NUP98: variants seen among roughly 807,000 people sequenced by gnomAD.
The protein encoded by NUP98 is nucleoporin 98 and 96 precursor, also known as nuclear pore complex protein Nup98-Nup96.
Under a neutral mutation model 191.9 loss-of-function variants are expected in NUP98, and 26 were observed. The ratio of observed to expected loss-of-function variants is 0.14; its 90% CI spans 0.10 to 0.19. The LOEUF is 0.19. Ranked by LOEUF, NUP98 falls within the 10% of genes least tolerant of loss-of-function variation. The pLI, the probability that NUP98 is intolerant of heterozygous loss-of-function variation, is 1.00. For synonymous variants in NUP98, 808 were observed against 778.4 expected (o/e 1.04, Z -0.63); for missense variants, 1,941 against 2,178.8 (o/e 0.89, Z 2.17).
Position 3,723,256 on chromosome 11 carries a change from C to T in NUP98, c.2047G>A (p.Gly683Arg), listed in dbSNP as rs2079475389. ...GTTTCTTCACTGCTTCCTTCCAGCCCATTTCGCAAAGCAGCACGCATGTTT... is the reference window on the plus strand; with the variant it reads ...GTTTCTTCACTGCTTCCTTCCAGCCTATTTCGCAAAGCAGCACGCATGTTT... ...ALNMRAALRNGLEGSSEETSF... is the reference protein window; with the variant it reads ...ALNMRAALRNRLEGSSEETSF... Residue 683 changes from glycine (G) to arginine (R), a missense_variant, in exon 16 of 33, where the codon GGG becomes AGG. By Grantham distance (125) the Gly-to-Arg change is moderately radical (BLOSUM62 -2). Coordinates refer to ENST00000324932, the MANE Select transcript of NUP98 (RefSeq NM_016320.5). The T allele has an allele frequency of 6.2e-7, 1 of 1,614,030 alleles. No individual in the cohort carries two copies. Among genetic ancestry groups the T allele is most frequent in the African/African-American group, 1.3e-5 (1 of 74,926 alleles).
chr11:3,719,773 C>CTT (rs775212402), intron 17 of NUP98, among the ~76,000 whole-genome samples: 2 of 143,512 alleles, frequency 1.4e-5, no homozygotes, highest in Non-Finnish European at 3.0e-5. Context: ...CTTTTCTTTT[C>CTT]TTTTTTTTTT....
intron 20 of NUP98, among the ~76,000 whole-genome samples, chr11:3,707,738 C>CACAAAAAAAAAAAAAAAAAAAAA (rs1554889252): frequency 6.2e-5 from 3 of 48,568 alleles, no homozygotes; most frequent in African/African-American, 3.4e-4. Context: ...GACTCTGTCT[C>CACAAAAAAAAAAAAAAAAAAAAA]AAAAAAAAAA....
rs543758138 is a variant in NUP98, at chr11:3,682,447, A to G, written c.4918+753T>C. 9.2e-5 allele frequency among the ~76,000 whole-genome samples: 14 copies of G among 152,318 alleles called. 1 individual carries two copies. In the South Asian group the frequency reaches 2.9e-3, roughly 32 times the overall value. ...CCCTTCCTTTCACTTGAACATATTT[A>G]GAGGCCATTGTAGGGTTATTAACTG... On this transcript the variant is annotated intron_variant, in intron 30 of 32. Transcript: ENST00000324932.
intron 1 of NUP98, among the ~76,000 whole-genome samples, chr11:3,793,208 G>GT (rs1346844563): frequency 6.6e-6 from 1 of 152,162 alleles, no homozygotes; most frequent in African/African-American, 2.4e-5. Flanking sequence ...TTCCAACTAT[G>GT]TATCTGTATG....
chr11:3,710,742 T>A (rs2079005473), intron 20 of NUP98, among the ~76,000 whole-genome samples: 1 of 152,222 alleles, frequency 6.6e-6, no homozygotes, highest in Non-Finnish European at 1.5e-5. Flanking sequence ...TCAGCTTCAC[T>A]TGGGTCAGTG....
At chr11:3,703,405 A>T (rs1049024853) in intron 22 of NUP98, among the ~76,000 whole-genome samples, 2 of 152,002 alleles carry the variant, frequency 1.3e-5, no homozygotes, top group African/African-American at 4.8e-5. Context: ...TTTAGTAGAG[A>T]CAGAGTTTCA....
At chr11:3,793,754 T>C (rs1264421749) in intron 1 of NUP98, among the ~76,000 whole-genome samples, 1 of 151,958 alleles carries the variant, frequency 6.6e-6, no homozygotes, top group Non-Finnish European at 1.5e-5. Flanking sequence ...GTGGATTGCT[T>C]GAGGTCACGA....
chr11:3,758,175 G>A (rs889064119), intron 10 of NUP98, among the ~76,000 whole-genome samples: 7 of 151,936 alleles, frequency 4.6e-5, no homozygotes, highest in African/African-American at 1.7e-4. Context: ...GAAAAAATTA[G>A]CCGGGGGTGG....
intron 7 of NUP98, among the ~76,000 whole-genome samples, chr11:3,769,281 G>C (rs2081439346): frequency 6.6e-6 from 1 of 152,030 alleles, no homozygotes. Flanking sequence ...TTAAAAATTA[G>C]TCAGGCTAAT....
At chr11:3,736,577 G>A (rs535133863) in intron 12 of NUP98, among the ~76,000 whole-genome samples, 12 of 152,272 alleles carry the variant, frequency 7.9e-5, no homozygotes, top group Admixed American at 3.3e-4. Context: ...TCAGTGAGCC[G>A]AGATCGCGCC....
intron 8 of NUP98, among the ~76,000 whole-genome samples, chr11:3,767,817 TA>T (rs1264809299): frequency 6.4e-4 from 91 of 141,768 alleles, no homozygotes; most frequent in African/African-American, 1.0e-3. Flanking sequence ...GGTCTCCCTT[TA>T]AAAAAAAAAA....
At chr11:3,763,778 C>T (rs1019024273) in intron 8 of NUP98, among the ~76,000 whole-genome samples, 1 of 152,096 alleles carries the variant, frequency 6.6e-6, no homozygotes, top group African/African-American at 2.4e-5. Flanking sequence ...GAACTCCTGA[C>T]CTCAGGGGAT....
intron 16 of NUP98, 116 bp from the exon 17 acceptor site, chr11:3,720,941 T>C: frequency 1.7e-6 from 1 of 584,396 alleles, no homozygotes; most frequent in South Asian, 2.1e-5. Context: ...ACTACTTTTC[T>C]ACCAAACATG....
At chr11:3,681,894 C>T (rs2077995758) in intron 30 of NUP98, among the ~76,000 whole-genome samples, 1 of 152,102 alleles carries the variant, frequency 6.6e-6, no homozygotes, top group African/African-American at 2.4e-5. Context: ...TCCTTGGTGG[C>T]ATCTTCTTTC....
intron 11 of NUP98, among the ~76,000 whole-genome samples, chr11:3,751,657 G>C (rs779749162): frequency 6.6e-6 from 1 of 152,050 alleles, no homozygotes; most frequent in Non-Finnish European, 1.5e-5. Flanking sequence ...CCAGGGGTTC[G>C]AGACCAGCCT....
At chr11:3,694,583 A>G (rs563193956) in intron 26 of NUP98, among the ~76,000 whole-genome samples, 1 of 151,524 alleles carries the variant, frequency 6.6e-6, no homozygotes, top group South Asian at 2.1e-4. Context: ...TACTTAAAAT[A>G]CAAAAAATTA....
intron 20 of NUP98, among the ~76,000 whole-genome samples, chr11:3,707,753 A>AAAAAAAAAAAAAAC: frequency 2.0e-5 from 3 of 149,504 alleles, no homozygotes; most frequent in Non-Finnish European, 3.0e-5. Flanking sequence ...AAAAAAAAAA[A>AAAAAAAAAAAAAAC]ATCCTGAAGG....
intron 18 of NUP98, among the ~76,000 whole-genome samples, chr11:3,716,096 AT>A (rs1222646778): frequency 6.6e-6 from 1 of 152,094 alleles, no homozygotes; most frequent in Non-Finnish European, 1.5e-5. Context: ...TCATTTGTCT[AT>A]TTTTGCTTTT....
chr11:3,782,788 C>T (rs1381045135), intron 1 of NUP98, among the ~76,000 whole-genome samples: 1 of 151,974 alleles, frequency 6.6e-6, no homozygotes, highest in Non-Finnish European at 1.5e-5. Context: ...TCGAGTGATC[C>T]ACCCACCTGG....
Sources: gnomAD v4.1 joint callset for allele counts (sites outside exome capture counted in the v4.1 genomes callset) on GRCh38, gnomAD v4.1.1 for gene constraint, MANE v1.5 for transcripts, NCBI Gene and HGNC (gene_info 2026-07-23, HGNC 2026-07-21) for gene names.